Variants in AK5 observed in about 807,000 individuals in gnomAD.
The protein encoded by AK5 is adenylate kinase 5.
In AK5, 27 loss-of-function variants were observed where a neutral mutation model predicts 69.5. The observed-to-expected ratio is 0.39, with a 90% CI of 0.29 to 0.54. AK5 has a LOEUF of 0.54. Ranked by LOEUF, AK5 falls within the 20% of genes least tolerant of loss-of-function variation. AK5 has a pLI of 0.71. For missense variants in AK5, 531 were observed against 700.4 expected, an observed-to-expected ratio of 0.76 and a Z score of 2.73; for synonymous variants, 260 against 244.4, an observed-to-expected ratio of 1.06 and a Z score of -0.60.
intron 13 of AK5, 44 bp downstream of exon 13, chr1:77,536,082 T>A: frequency 6.7e-7 from 1 of 1,487,866 alleles, no homozygotes; most frequent in African/African-American, 1.4e-5. Context: ...CGCTTACCTT[T>A]TTTTTTTTTT....
At chr1:77,475,032 G>C (rs975310571) in intron 8 of AK5, among the ~76,000 whole-genome samples, 2 of 151,462 alleles carry the variant, frequency 1.3e-5, no homozygotes, top group African/African-American at 4.9e-5. Context: ...TGAAGTCCTG[G>C]CTTCAAACAA....
At chr1:77,484,788 A>G (rs1655484864) in intron 9 of AK5, among the ~76,000 whole-genome samples, 1 of 152,252 alleles carries the variant, frequency 6.6e-6, no homozygotes, top group South Asian at 2.1e-4. Flanking sequence ...CTATTTTTAC[A>G]TAGTTGAGAA....
At chr1:77,306,200 G>A (rs1303304283) in intron 5 of AK5, among the ~76,000 whole-genome samples, 1 of 152,158 alleles carries the variant, frequency 6.6e-6, no homozygotes, top group African/African-American at 2.4e-5. Flanking sequence ...CATTCAGTAT[G>A]ATACTAGCTG....
intron 8 of AK5, among the ~76,000 whole-genome samples, chr1:77,461,747 G>C (rs927345160): frequency 1.5e-4 from 22 of 150,702 alleles, no homozygotes; most frequent in Admixed American, 2.0e-4. Context: ...TCCAACCTGG[G>C]CAACAGGGCA....
chr1:77,368,339 T>TTA (rs1185722063), intron 6 of AK5, among the ~76,000 whole-genome samples: 14 of 127,498 alleles, frequency 1.1e-4, no homozygotes, highest in Admixed American at 6.3e-4. Context: ...GTTATATATG[T>TTA]TATATATATA....
intron 13 of AK5, among the ~76,000 whole-genome samples, chr1:77,542,906 A>G (rs887514801): frequency 6.6e-6 from 1 of 152,152 alleles, no homozygotes; most frequent in African/African-American, 2.4e-5. Flanking sequence ...GCTACTCTTA[A>G]CTGATTAAAA....
At chr1:77,521,221 C>T (rs1657964761) in intron 11 of AK5, among the ~76,000 whole-genome samples, 1 of 151,886 alleles carries the variant, frequency 6.6e-6, no homozygotes. Context: ...GCAGTTTCCA[C>T]CTCCCGAGTT....
At chr1:77,426,967 A>G (rs1057225871) in intron 8 of AK5, among the ~76,000 whole-genome samples, 1 of 152,170 alleles carries the variant, frequency 6.6e-6, no homozygotes, top group Non-Finnish European at 1.5e-5. Flanking sequence ...AATTTGTGAG[A>G]TGCACCAAAA....
In AK5 at chr1:77,558,834, G is replaced by A. The variant is rs1035567773; in HGVS notation, c.*164G>A. ...CTTCCCAGCTAGACCTGTGTGAGAG[G>A]TGTCTGGAAATCATGCATGGTGTAT... On this transcript the variant is annotated 3_prime_UTR_variant, in exon 14 of 14. Transcript: ENST00000354567. 8.2e-6 allele frequency: 5 copies of A among 608,758 alleles called. No individual in the cohort carries two copies. The African/African-American group carries it at 9.3e-5, about 11-fold the overall frequency. The allele number at this position is 608,758 out of a possible 1,614,324, so 37.7% of individuals were successfully genotyped here.
chr1:77,470,925 G>A (rs1402040895), intron 8 of AK5, among the ~76,000 whole-genome samples: 1 of 127,728 alleles, frequency 7.8e-6, no homozygotes, highest in African/African-American at 3.0e-5. Context: ...CTGTGGCCCA[G>A]GCTGGAGTGC....
intron 6 of AK5, among the ~76,000 whole-genome samples, chr1:77,405,539 C>A (rs967103406): frequency 6.6e-6 from 1 of 152,226 alleles, no homozygotes; most frequent in Non-Finnish European, 1.5e-5. Context: ...TGTGGGATCT[C>A]CTGCAGAGCC....
Position 77,559,021 on chromosome 1 carries a change from A to G in AK5, c.*351A>G, listed in dbSNP as rs1011754545. ...TGATCACAGGCCTTGCTAGACCCTG[A>G]TCATCTGGTTCTCCTCTCATTAAGC... On this transcript the variant is annotated 3_prime_UTR_variant, in exon 14 of 14. Transcript: ENST00000354567. The G allele has an allele frequency of 6.0e-6, 1 of 166,316 alleles. No homozygotes were observed. The highest frequency in any genetic ancestry group is 2.4e-5 in the African/African-American group (1 of 42,056). The allele number at this position is 166,316 out of a possible 1,614,324, so 10.3% of individuals were successfully genotyped here.
rs534354054 is a variant in AK5, at chr1:77,430,612, G to A, written c.1059+12897G>A. Among the ~76,000 whole-genome samples the A allele has an allele frequency of 1.2e-4, 18 of 152,274 alleles. No individual in the cohort carries two copies. In the South Asian group the frequency reaches 2.3e-3, roughly 19 times the overall value. On this transcript the variant is annotated intron_variant, in intron 8 of 13. Transcript: ENST00000354567. ...TGAGATAGAGAAAGAAAACAAAATT[G>A]AGAGAAGAGGCTCTATAGCTGAACA...
rs540973085 is a variant in AK5 at position 77,457,522 on chromosome 1, A to G, written c.1060-25795A>G. 4.6e-3 allele frequency among the ~76,000 whole-genome samples: 698 copies of G among 152,152 alleles called. 2 individuals are homozygous for G. The highest frequency in any genetic ancestry group is 7.4e-3 in the Non-Finnish European group (504 of 68,008). The stretch of plus-strand genomic sequence containing the variant: ...CTGTTCTATTGAGTTTATTTCAGCT[A>G]TCATAGTTTTAATTTTCAAGAGCTC... On this transcript the variant is annotated intron_variant, in intron 8 of 13. Transcript: ENST00000354567.
intron 10 of AK5, among the ~76,000 whole-genome samples, chr1:77,507,324 AGGACAC>A (rs1447539263): frequency 6.6e-6 from 1 of 152,096 alleles, no homozygotes; most frequent in Non-Finnish European, 1.5e-5. Flanking sequence ...TAATGGTACC[AGGACAC>A]AGTTGGCCCT....
Position 77,559,303 on chromosome 1 carries a change from GGTTA to G in AK5, c.*636_*639del, listed in dbSNP as rs1198982394. The G allele has an allele frequency of 4.6e-5, 7 of 152,230 alleles. No homozygotes were observed. In the South Asian group the frequency reaches 6.2e-4, roughly 14 times the overall value. 9.4% of individuals were successfully genotyped at this position (152,230 alleles called of 1,614,324 possible). ...TTTCCCAAGATGATGGTAAAACCCA[GGTTA>G]GTCATCAGTAACCTTCTCTATTATT... On this transcript the variant is annotated 3_prime_UTR_variant, in exon 14 of 14. Coordinates refer to ENST00000354567, the MANE Select transcript of AK5 (RefSeq NM_174858.3).
chr1:77,342,978 C>A (rs1463208099), intron 6 of AK5, among the ~76,000 whole-genome samples: 1 of 152,018 alleles, frequency 6.6e-6, no homozygotes, highest in African/African-American at 2.4e-5. Context: ...TATTTTGGCA[C>A]AGACATATTG....
intron 10 of AK5, among the ~76,000 whole-genome samples, chr1:77,495,863 C>T (rs1656282018): frequency 6.6e-6 from 1 of 152,104 alleles, no homozygotes; most frequent in Admixed American, 6.5e-5. Flanking sequence ...GCTTAAACTC[C>T]CCACATGATA....
intron 10 of AK5, among the ~76,000 whole-genome samples, chr1:77,509,384 T>C (rs1462352479): frequency 6.6e-6 from 1 of 152,182 alleles, no homozygotes; most frequent in Non-Finnish European, 1.5e-5. Context: ...TTGTTTTCGG[T>C]CCAAGAGTGT....
Sources: gnomAD v4.1 joint callset for allele counts (sites outside exome capture counted in the v4.1 genomes callset) on GRCh38, gnomAD v4.1.1 for gene constraint, MANE v1.5 for transcripts, NCBI Gene and HGNC (gene_info 2026-07-23, HGNC 2026-07-21) for gene names.